The following MET variants were observed in gnomAD, a reference collection of about 807,000 sequenced individuals.
MET encodes the protein MET proto-oncogene, receptor tyrosine kinase.
Under a neutral mutation model 133.1 loss-of-function variants are expected in MET, and 48 were observed. That is an observed-to-expected ratio of 0.36 (90% CI 0.29 to 0.46). The LOEUF (loss-of-function observed/expected upper bound fraction) is 0.46. Among genes scored for constraint, MET ranks in the 20% least tolerant of loss-of-function variants. The probability of loss-of-function intolerance (pLI) is 1.00; values close to 1 mark genes in which losing one functional copy is unlikely to be tolerated. For missense variants in MET, 1,442 were observed against 1,695.9 expected, an observed-to-expected ratio of 0.85 and a Z score of 2.63; for synonymous variants, 628 against 616.5, an observed-to-expected ratio of 1.02 and a Z score of -0.28.
At chr7:116,754,253 C>T (rs542890757) in intron 5 of MET, among the ~76,000 whole-genome samples, 1 of 152,298 alleles carries the variant, frequency 6.6e-6, no homozygotes, top group South Asian at 2.1e-4. Context: ...ACTGGGCAAA[C>T]ACTGGATACC....
chr7:116,705,080 A>C (rs2116630416), intron 2 of MET, among the ~76,000 whole-genome samples: 1 of 152,260 alleles, frequency 6.6e-6, no homozygotes, highest in Middle Eastern at 3.4e-3. Context: ...TTAAAGGAGG[A>C]CAAAAATCAA....
At chr7:116,751,264 C>T (rs1055118876) in intron 5 of MET, among the ~76,000 whole-genome samples, 2 of 152,102 alleles carry the variant, frequency 1.3e-5, no homozygotes, top group African/African-American at 4.8e-5. Context: ...GAGTTCATGT[C>T]CTTTGCAGGG....
In MET at chr7:116,783,519, A is replaced by G. The variant is rs1249130635; in HGVS notation, c.3798+50A>G. On this transcript the variant is annotated intron_variant, in intron 19 of 20. Coordinates refer to ENST00000397752, the MANE Select transcript of MET (RefSeq NM_000245.4). Reference sequence around the variant, plus strand: ...TTCTCCTCTTTTACTTTCATATCCAACTTTTTTTGAAGTTTTATCACTACT... The same window carrying G: ...TTCTCCTCTTTTACTTTCATATCCAGCTTTTTTTGAAGTTTTATCACTACT... 12 of 1,604,406 alleles carry G rather than the reference A, an allele frequency of 7.5e-6. No homozygotes were observed. In the Admixed American group the frequency reaches 1.8e-4, roughly 25 times the overall value.
Position 116,700,159 on chromosome 7 carries a change from C to G in MET, c.1075C>G (p.Arg359Gly), listed in dbSNP as rs753762177. The G allele has an allele frequency of 6.3e-7, 1 of 1,592,838 alleles. No homozygotes were observed. Among genetic ancestry groups the G allele is most frequent in the Non-Finnish European group, 8.5e-7 (1 of 1,170,670 alleles). ...GCCAGATTCTGCCGAACCAATGGAT[C>G]GATCTGCCATGTGTGCATTCCCTAT... ...SKPDSAEPMD[R>G]SAMCAFPIKY... Residue 359 changes from arginine to glycine, a missense_variant, in exon 2 of 21, where the codon CGA becomes GGA. Transcript: ENST00000397752.
chr7:116,698,906 C>T (rs529447906), intron 1 of MET, among the ~76,000 whole-genome samples, 165 bp from the exon 2 acceptor site: 6 of 152,256 alleles, frequency 3.9e-5, no homozygotes, highest in South Asian at 2.1e-4. Flanking sequence ...CATGTCCAAC[C>T]GCACAATGCA....
chr7:116,711,295 G>A (rs1791983840), intron 2 of MET, among the ~76,000 whole-genome samples: 1 of 152,168 alleles, frequency 6.6e-6, no homozygotes, highest in South Asian at 2.1e-4. Flanking sequence ...TTAAGTAATA[G>A]TTTACACAAC....
Position 116,699,828 on chromosome 7 carries a change from G to T in MET, c.744G>T (p.Lys248Asn), listed in dbSNP as rs1562884016. 1 of 1,614,090 alleles carries T rather than the reference G, an allele frequency of 6.2e-7. No individual in the cohort carries two copies. The highest frequency in any genetic ancestry group is 8.5e-7 in the Non-Finnish European group (1 of 1,179,970). The change falls in exon 2 of 21, where the codon AAG becomes AAT. Residue 248 changes from lysine (K) to asparagine (N), a missense_variant. Lys to Asn is a moderately conservative substitution (Grantham distance 94, BLOSUM62 0). Transcript: ENST00000397752. ...AGTTCAGAGATTCTTACCCCATTAA[G>T]TATGTCCATGCCTTTGAAAGCAACA... Reference protein sequence around the residue: ...LPEFRDSYPIKYVHAFESNNF... With the variant: ...LPEFRDSYPINYVHAFESNNF...
chr7:116,717,065 A>G (rs987939626), intron 2 of MET, among the ~76,000 whole-genome samples: 1 of 152,202 alleles, frequency 6.6e-6, no homozygotes, highest in Non-Finnish European at 1.5e-5. Context: ...GTGTTGAGGA[A>G]GCCTCTTTCT....
At chr7:116,726,045 G>T (rs1315366426) in intron 2 of MET, among the ~76,000 whole-genome samples, 2 of 142,246 alleles carry the variant, frequency 1.4e-5, no homozygotes, top group African/African-American at 5.2e-5. Context: ...TCTCAAAAAA[G>T]AAACTAAAAC....
chr7:116,709,337 A>G (rs1400768221), intron 2 of MET, among the ~76,000 whole-genome samples: 1 of 152,218 alleles, frequency 6.6e-6, no homozygotes, highest in Non-Finnish European at 1.5e-5. Flanking sequence ...CAAATCATAA[A>G]CAATAGTGTT....
intron 10 of MET, among the ~76,000 whole-genome samples, chr7:116,760,848 T>C (rs1794374218): frequency 6.6e-6 from 1 of 152,162 alleles, no homozygotes; most frequent in Admixed American, 6.5e-5. Flanking sequence ...GCAAAGCATT[T>C]TGAAACCAAT....
chr7:116,721,602 G>A (rs1178986556), intron 2 of MET, among the ~76,000 whole-genome samples: 2 of 152,008 alleles, frequency 1.3e-5, no homozygotes, highest in Non-Finnish European at 2.9e-5. Flanking sequence ...GAACTTTCCT[G>A]CTTTCTCTTG....
intron 9 of MET, 102 bp from the exon 10 acceptor site, chr7:116,759,289 C>T (rs761951558): frequency 9.2e-6 from 14 of 1,525,520 alleles, no homozygotes; most frequent in African/African-American, 1.4e-5. Context: ...GACTGTGCCT[C>T]TGACCTGTAA....
At chr7:116,781,228 C>T (rs888912740) in intron 17 of MET, among the ~76,000 whole-genome samples, 4 of 152,166 alleles carry the variant, frequency 2.6e-5, no homozygotes, top group African/African-American at 9.7e-5. Context: ...GGCTCTTGCT[C>T]ATGTTTTTCC....
Position 116,731,773 on chromosome 7 carries a change from G to A in MET, c.1306G>A (p.Glu436Lys), listed in dbSNP as rs200740468. 5 of 1,614,114 alleles carry A rather than the reference G, an allele frequency of 3.1e-6. No homozygotes were observed. The highest frequency in any genetic ancestry group is 4.2e-6 in the Non-Finnish European group (5 of 1,179,988). Reference sequence around the variant, plus strand: ...TGACTTATTCATGGGTCAATTCAGCGAAGTCCTCTTAACATCTATATCCAC... The same window carrying A: ...TGACTTATTCATGGGTCAATTCAGCAAAGTCCTCTTAACATCTATATCCAC... ...RVDLFMGQFS[E>K]VLLTSISTFI... is the part of the protein sequence containing the mutation. The change falls in exon 3 of 21, where the codon GAA (glutamate) becomes AAA (lysine). Residue 436 changes from glutamate to lysine, a missense_variant. This residue lies in a region of MET where 762 missense variants were observed against 792.4 expected (regional missense o/e 0.96). Coordinates refer to ENST00000397752, the MANE Select transcript of MET (RefSeq NM_000245.4).
At position 116,797,512 on chromosome 7, in the gene MET, C is replaced by G. The variant is rs75361918; in HGVS notation, c.*1388C>G. 2.3e-4 allele frequency: 53 copies of G among 229,268 alleles called. No individual in the cohort carries two copies. The East Asian group carries it at 3.3e-3, about 14-fold the overall frequency. The allele number at this position is 229,268 out of a possible 1,614,324, so 14.2% of individuals were successfully genotyped here. On this transcript the variant is annotated 3_prime_UTR_variant, in exon 21 of 21. Coordinates refer to ENST00000397752, the MANE Select transcript of MET (RefSeq NM_000245.4). ...ACCTAGATGGAATAGCCACCCTGAG[C>G]AGAACTTTGTGATGCTTCATTCTGT...
At chr7:116,701,618 A>C (rs1228320548) in intron 2 of MET, among the ~76,000 whole-genome samples, 1 of 152,188 alleles carries the variant, frequency 6.6e-6, no homozygotes, top group East Asian at 1.9e-4. Context: ...ATGCACATAC[A>C]TTCCAACTAA....
chr7:116,710,526 C>T (rs1206542386), intron 2 of MET, among the ~76,000 whole-genome samples: 1 of 152,058 alleles, frequency 6.6e-6, no homozygotes, highest in Non-Finnish European at 1.5e-5. Context: ...GAGTAGGTAG[C>T]ATAATTGCCT....
intron 6 of MET, 119 bp downstream of exon 6, chr7:116,755,634 C>T (rs762468061): frequency 1.2e-5 from 14 of 1,210,714 alleles, no homozygotes; most frequent in Non-Finnish European, 1.6e-5. Flanking sequence ...GGGTCTTGGC[C>T]TGTCACATGC....
Sources: allele counts gnomAD v4.1 joint callset (sites outside exome capture counted in the v4.1 genomes callset), GRCh38; gene constraint gnomAD v4.1.1; regional missense constraint gnomAD v4.1.1; transcripts MANE v1.5; gene names NCBI Gene and HGNC (gene_info 2026-07-23, HGNC 2026-07-21).